DCLK2: variants seen among roughly 807,000 people sequenced by gnomAD.
DCLK2 encodes doublecortin like kinase 2.
DCLK2 carries 31 observed loss-of-function variants against 78.4 expected under a neutral mutation model. The observed-to-expected ratio is 0.40, with a 90% CI of 0.30 to 0.53. The LOEUF is 0.53. Ranked by LOEUF, DCLK2 falls within the 20% of genes least tolerant of loss-of-function variation. DCLK2 has a pLI of 0.61. For synonymous variants in DCLK2, 407 were observed against 374.9 expected, an observed-to-expected ratio of 1.09 and a Z score of -0.99; for missense variants, 872 against 973.7, an observed-to-expected ratio of 0.90 and a Z score of 1.39.
intron 2 of DCLK2, among the ~76,000 whole-genome samples, chr4:150,170,347 T>A (rs935866323): frequency 1.3e-5 from 2 of 152,012 alleles, no homozygotes; most frequent in African/African-American, 4.8e-5. Flanking sequence ...CCCGGCCAGT[T>A]TTTTTTTAAA....
intron 2 of DCLK2, among the ~76,000 whole-genome samples, chr4:150,135,035 T>C (rs1046445372): frequency 2.0e-5 from 3 of 152,236 alleles, no homozygotes; most frequent in Non-Finnish European, 4.4e-5. Context: ...ATTTAATTCA[T>C]TTTATAATGA....
At chr4:150,138,994 A>T (rs200012894) in intron 2 of DCLK2, among the ~76,000 whole-genome samples, 3 of 68,696 alleles carry the variant, frequency 4.4e-5, no homozygotes, top group African/African-American at 9.9e-5. Flanking sequence ...TTTTAAATTT[A>T]AAAAAAAAAA....
chr4:150,094,908 T>C (rs527905348), intron 1 of DCLK2, among the ~76,000 whole-genome samples: 14 of 152,308 alleles, frequency 9.2e-5, no homozygotes, highest in African/African-American at 3.4e-4. Context: ...ACATGTTCAG[T>C]TCACTCTCAC....
intron 3 of DCLK2, 58 bp downstream of exon 3, chr4:150,193,298 C>T (rs1388314643): frequency 4.2e-6 from 5 of 1,189,536 alleles, no homozygotes; most frequent in Non-Finnish European, 4.9e-6. Context: ...GAAATGAAGG[C>T]TTGGGATTTA....
intron 2 of DCLK2, among the ~76,000 whole-genome samples, chr4:150,122,819 G>T (rs1055237347): frequency 6.6e-6 from 1 of 152,176 alleles, no homozygotes; most frequent in Non-Finnish European, 1.5e-5. Context: ...TGGATAACTT[G>T]CTGCAGCTTT....
intron 8 of DCLK2, among the ~76,000 whole-genome samples, chr4:150,226,729 A>G (rs1386901201): frequency 5.9e-5 from 9 of 152,180 alleles, no homozygotes; most frequent in African/African-American, 2.2e-4. Flanking sequence ...TGCATGATCA[A>G]ATATTTTTCC....
chr4:150,107,709 C>A (rs149917159), intron 2 of DCLK2, among the ~76,000 whole-genome samples: 126 of 152,232 alleles, frequency 8.3e-4, no homozygotes, highest in African/African-American at 2.6e-3. Flanking sequence ...GGATTTAAAT[C>A]TATTTGTCTT....
At chr4:150,179,100 T>A (rs1211076889) in intron 2 of DCLK2, among the ~76,000 whole-genome samples, 1 of 152,130 alleles carries the variant, frequency 6.6e-6, no homozygotes, top group Non-Finnish European at 1.5e-5. Context: ...CGATCTCGGC[T>A]CACTGCAAGC....
At chr4:150,091,911 G>A (rs1190488297) in intron 1 of DCLK2, among the ~76,000 whole-genome samples, 2 of 151,978 alleles carry the variant, frequency 1.3e-5, no homozygotes, top group African/African-American at 2.4e-5. Context: ...CCGATCTCCA[G>A]AACTTTCTCA....
At chr4:150,123,638 G>A (rs915998263) in intron 2 of DCLK2, among the ~76,000 whole-genome samples, 2 of 152,186 alleles carry the variant, frequency 1.3e-5, no homozygotes, top group Non-Finnish European at 2.9e-5. Context: ...GGGTTGCCAC[G>A]AAACTTCCAT....
chr4:150,202,753 C>T (rs986486527), intron 4 of DCLK2, among the ~76,000 whole-genome samples: 2 of 152,026 alleles, frequency 1.3e-5, no homozygotes, highest in African/African-American at 2.4e-5. Flanking sequence ...CTACTTTGGG[C>T]AAAAACTTTG....
chr4:150,092,744 A>G (rs1157468236), intron 1 of DCLK2, among the ~76,000 whole-genome samples: 1 of 152,206 alleles, frequency 6.6e-6, no homozygotes, highest in Non-Finnish European at 1.5e-5. Flanking sequence ...ATAAAATTCA[A>G]CATGTTTTCA....
chr4:150,086,715 C>A (rs1248257478), intron 1 of DCLK2, among the ~76,000 whole-genome samples: 1 of 152,080 alleles, frequency 6.6e-6, no homozygotes, highest in Non-Finnish European at 1.5e-5. Context: ...ACCGTGTTAG[C>A]CAGGATGGTC....
chr4:150,217,499 A>G (rs1740811807), intron 5 of DCLK2, among the ~76,000 whole-genome samples: 2 of 152,206 alleles, frequency 1.3e-5, no homozygotes, highest in Admixed American at 1.3e-4. Context: ...ACGGCTCTTC[A>G]GAGTCATTTG....
At chr4:150,127,229 G>A (rs895772447) in intron 2 of DCLK2, among the ~76,000 whole-genome samples, 2 of 152,184 alleles carry the variant, frequency 1.3e-5, no homozygotes, top group South Asian at 4.1e-4. Context: ...TACTTTGAGA[G>A]TGTGCAATAC....
intron 5 of DCLK2, among the ~76,000 whole-genome samples, chr4:150,219,626 AAT>A (rs1741022918): frequency 6.6e-6 from 1 of 152,210 alleles, no homozygotes; most frequent in African/African-American, 2.4e-5. Flanking sequence ...CTGATAAACT[AAT>A]ATTGAGTTAG....
intron 1 of DCLK2, among the ~76,000 whole-genome samples, 187 bp downstream of exon 1, chr4:150,079,635 C>T (rs959944577): frequency 1.3e-5 from 2 of 152,246 alleles, no homozygotes; most frequent in African/African-American, 4.8e-5. Flanking sequence ...CACTGACTTT[C>T]CTTCCCAAGA....
intron 1 of DCLK2, among the ~76,000 whole-genome samples, chr4:150,080,934 G>GAGT: frequency 6.6e-6 from 1 of 152,316 alleles, no homozygotes; most frequent in African/African-American, 2.4e-5. Flanking sequence ...GAGGTAAGGG[G>GAGT]ATAGCTGGAG....
chr4:150,223,581 A>G (rs1457511123), intron 7 of DCLK2, among the ~76,000 whole-genome samples: 1 of 152,024 alleles, frequency 6.6e-6, no homozygotes, highest in Admixed American at 6.6e-5. Context: ...CATCTCTACT[A>G]AAAATACAAA....
Sources: allele counts gnomAD v4.1 joint callset (sites outside exome capture counted in the v4.1 genomes callset), GRCh38; gene constraint gnomAD v4.1.1; transcripts MANE v1.5; gene names NCBI Gene and HGNC (gene_info 2026-07-23, HGNC 2026-07-21).